SHROOM3: variants seen among roughly 807,000 people sequenced by gnomAD.
The protein encoded by SHROOM3 is shroom family member 3.
Under a neutral mutation model 138.6 loss-of-function variants are expected in SHROOM3, and 47 were observed. The ratio of observed to expected loss-of-function variants is 0.34; its 90% CI spans 0.27 to 0.43. The LOEUF (loss-of-function observed/expected upper bound fraction) is 0.43, where lower values mean the gene tolerates loss of function less well. Ranked by LOEUF, SHROOM3 falls within the 20% of genes least tolerant of loss-of-function variation. The pLI is 1.00. For missense variants in SHROOM3, 2,491 were observed against 2,596.5 expected, an observed-to-expected ratio of 0.96 and a Z score of 0.88; for synonymous variants, 1,062 against 1,063.3, an observed-to-expected ratio of 1.00 and a Z score of 0.02.
chr4:76,742,335 G>C (rs1721290713), intron 5 of SHROOM3, among the ~76,000 whole-genome samples: 1 of 151,288 alleles, frequency 6.6e-6, no homozygotes, highest in Non-Finnish European at 1.5e-5. Context: ...ATTGGACTTT[G>C]CATCTACAAA....
intron 2 of SHROOM3, among the ~76,000 whole-genome samples, chr4:76,557,226 TACACACAC>T (rs35294663): frequency 1.2e-3 from 164 of 142,016 alleles, no homozygotes; most frequent in African/African-American, 4.0e-3. Flanking sequence ...TGTTTATGTA[TACACACAC>T]ACACACACAC....
At chr4:76,485,328 C>T (rs1426911162) in intron 1 of SHROOM3, among the ~76,000 whole-genome samples, 1 of 152,150 alleles carries the variant, frequency 6.6e-6, no homozygotes, top group Non-Finnish European at 1.5e-5. Flanking sequence ...GAGGTTCTCT[C>T]CCTGTCTCTA....
chr4:76,611,882 G>A (rs145005350), intron 2 of SHROOM3, among the ~76,000 whole-genome samples: 14 of 152,284 alleles, frequency 9.2e-5, no homozygotes, highest in East Asian at 3.9e-4. Flanking sequence ...CCCAGTGTCC[G>A]GATCATCAGC....
intron 6 of SHROOM3, among the ~76,000 whole-genome samples, chr4:76,750,769 T>G (rs1477123904): frequency 6.6e-6 from 1 of 150,486 alleles, no homozygotes; most frequent in Admixed American, 6.6e-5. Flanking sequence ...GGCAATTTTG[T>G]GGGGAGGGGG....
intron 5 of SHROOM3, among the ~76,000 whole-genome samples, chr4:76,744,678 G>C (rs1256815647): frequency 6.6e-6 from 1 of 152,186 alleles, no homozygotes; most frequent in Non-Finnish European, 1.5e-5. Flanking sequence ...CCTTGCTTTA[G>C]AGAATTCTGA....
chr4:76,540,591 G>T (rs1733077470), intron 1 of SHROOM3, among the ~76,000 whole-genome samples: 1 of 152,132 alleles, frequency 6.6e-6, no homozygotes, highest in Non-Finnish European at 1.5e-5. Flanking sequence ...GGACACTCAT[G>T]AAACTTATCT....
intron 1 of SHROOM3, among the ~76,000 whole-genome samples, chr4:76,506,114 T>C (rs1263377537): frequency 6.6e-6 from 1 of 151,294 alleles, no homozygotes; most frequent in Admixed American, 6.6e-5. Context: ...CTCAGCAAAC[T>C]AACACAAGAA....
chr4:76,683,023 A>G (rs1457410960), intron 2 of SHROOM3, among the ~76,000 whole-genome samples: 1 of 152,210 alleles, frequency 6.6e-6, no homozygotes, highest in Admixed American at 6.5e-5. Flanking sequence ...GAGGAATTTC[A>G]CAGCTTTCCA....
chr4:76,725,376 A>G (rs1001169560), intron 3 of SHROOM3, among the ~76,000 whole-genome samples: 2 of 152,228 alleles, frequency 1.3e-5, no homozygotes, highest in Non-Finnish European at 2.9e-5. Flanking sequence ...TTCCTGCAGA[A>G]TGTAAGCTCC....
intron 9 of SHROOM3, among the ~76,000 whole-genome samples, chr4:76,770,060 T>C (rs1722298233): frequency 6.6e-6 from 1 of 152,158 alleles, no homozygotes; most frequent in Non-Finnish European, 1.5e-5. Context: ...CAGTGGCTTA[T>C]GCCTATAATC....
At chr4:76,643,841 CTCTTTTCTT>C (rs2110083207) in intron 2 of SHROOM3, among the ~76,000 whole-genome samples, 1 of 152,184 alleles carries the variant, frequency 6.6e-6, no homozygotes, top group East Asian at 1.9e-4. Flanking sequence ...ATTCCTCCAG[CTCTTTTCTT>C]TTTTTTAATC....
At chr4:76,744,476 A>T (rs1056786427) in intron 5 of SHROOM3, among the ~76,000 whole-genome samples, 1 of 152,210 alleles carries the variant, frequency 6.6e-6, no homozygotes, top group African/African-American at 2.4e-5. Context: ...ATCTCATGGC[A>T]AGGCGGTCTG....
chr4:76,783,062 A>G lies in SHROOM3; in HGVS notation c.*3885A>G, dbSNP rs1722772749. 1 of 152,176 alleles carries G rather than the reference A, an allele frequency of 6.6e-6. No individual in the cohort carries two copies. The allele number at this position is 152,176 out of a possible 1,614,324, so 9.4% of individuals were successfully genotyped here. ...CAAAACCAAGTCTGCTGGAAACTGC[A>G]TTTCAGCAGGTTTCCCATGTTATTC... On this transcript the variant is annotated 3_prime_UTR_variant, in exon 11 of 11. Transcript: ENST00000296043.
At chr4:76,583,810 A>G (rs1270850563) in intron 2 of SHROOM3, among the ~76,000 whole-genome samples, 3 of 152,222 alleles carry the variant, frequency 2.0e-5, no homozygotes, top group East Asian at 1.9e-4. Flanking sequence ...ACTACTAACT[A>G]TGGGTCAACT....
At chr4:76,555,800 C>T in intron 2 of SHROOM3, 37 bp downstream of exon 2, 3 of 1,600,348 alleles carry the variant, frequency 1.9e-6, no homozygotes, top group Non-Finnish European at 2.6e-6. Context: ...CTCCTACCAC[C>T]TCACCCCACC....
intron 2 of SHROOM3, among the ~76,000 whole-genome samples, chr4:76,584,433 G>A (rs1040963378): frequency 3.3e-5 from 5 of 152,174 alleles, no homozygotes; most frequent in African/African-American, 9.7e-5. Flanking sequence ...TGTTGAGGAT[G>A]TTGTCACAGA....
chr4:76,558,978 A>T (rs72659788), intron 2 of SHROOM3, among the ~76,000 whole-genome samples: 3,761 of 152,292 alleles, frequency 0.025, 80 homozygotes, highest in Middle Eastern at 0.051. Flanking sequence ...TCATGCTGCC[A>T]ACGTTCTCCT....
chr4:76,557,175 T>A (rs776660385), intron 2 of SHROOM3, among the ~76,000 whole-genome samples: 2 of 151,212 alleles, frequency 1.3e-5, no homozygotes, highest in Middle Eastern at 6.3e-3. Context: ...TAAGTATCCA[T>A]GGAGGGACAA....
intron 4 of SHROOM3, among the ~76,000 whole-genome samples, chr4:76,735,862 AAAAAAAATATATATATATATAT>A (rs1254564545): frequency 5.7e-5 from 1 of 17,566 alleles, no homozygotes; most frequent in Non-Finnish European, 1.5e-4. Context: ...AAAAAAAAAA[AAAAAAAATATATATATATATAT>A]ATATATATAT....
Sources: gnomAD v4.1 joint callset for allele counts (sites outside exome capture counted in the v4.1 genomes callset) on GRCh38, gnomAD v4.1.1 for gene constraint, MANE v1.5 for transcripts, NCBI Gene and HGNC (gene_info 2026-07-23, HGNC 2026-07-21) for gene names.